Variants in ASTN1 observed in about 807,000 individuals in gnomAD.
ASTN1 encodes the protein astrotactin-1.
In ASTN1, 41 loss-of-function variants were observed where a neutral mutation model predicts 140.7. That is an observed-to-expected ratio of 0.29 (90% CI 0.23 to 0.38). ASTN1 has a LOEUF of 0.38. Ranked by LOEUF, ASTN1 falls within the 10% of genes least tolerant of loss-of-function variation. ASTN1 has a pLI of 1.00. For synonymous variants in ASTN1, 640 were observed against 652.2 expected, an observed-to-expected ratio of 0.98 and a Z score of 0.29; for missense variants, 1,479 against 1,678.8, an observed-to-expected ratio of 0.88 and a Z score of 2.08.
chr1:176,949,076 G>C (rs1226174315), intron 12 of ASTN1, 109 bp downstream of exon 12: 2 of 1,432,674 alleles, frequency 1.4e-6, no homozygotes, highest in Non-Finnish European at 1.9e-6. Context: ...CAGAGACTAA[G>C]GGATGGCCTA....
chr1:176,899,386 T>A lies in ASTN1; in HGVS notation c.2672-4556A>T, dbSNP rs530563972. 3.3e-5 allele frequency among the ~76,000 whole-genome samples: 5 copies of A among 152,300 alleles called. No individual in the cohort carries two copies. The East Asian group carries it at 7.7e-4, about 24-fold the overall frequency. ...CAGGGTCTGCTCTTCTGGTGGTAAC[T>A]GACAGGCCATGAGGTGAATTAGTTG... On this transcript the variant is annotated intron_variant, in intron 16 of 22. Coordinates refer to ENST00000361833, the MANE Select transcript of ASTN1 (RefSeq NM_004319.3).
chr1:176,951,148 A>G (rs1003358442), intron 11 of ASTN1, among the ~76,000 whole-genome samples: 1 of 152,218 alleles, frequency 6.6e-6, no homozygotes, highest in African/African-American at 2.4e-5. Context: ...GGAGTGCTGG[A>G]AGGTGACAGC....
intron 16 of ASTN1, among the ~76,000 whole-genome samples, chr1:176,919,533 T>A (rs1670641050): frequency 6.6e-6 from 1 of 152,198 alleles, no homozygotes; most frequent in Non-Finnish European, 1.5e-5. Context: ...ATTCTCCTCA[T>A]CCACCTTACC....
At chr1:177,106,615 T>C (rs1053605091) in intron 1 of ASTN1, among the ~76,000 whole-genome samples, 3 of 152,180 alleles carry the variant, frequency 2.0e-5, no homozygotes, top group South Asian at 4.1e-4. Flanking sequence ...GCCAAAGATA[T>C]GTTAACATAC....
intron 16 of ASTN1, among the ~76,000 whole-genome samples, chr1:176,898,280 A>G (rs1161642878): frequency 3.3e-5 from 5 of 152,166 alleles, no homozygotes; most frequent in Non-Finnish European, 7.3e-5. Flanking sequence ...CTTCAGGTCC[A>G]CATAAAAAGA....
intron 17 of ASTN1, among the ~76,000 whole-genome samples, chr1:176,889,420 A>G (rs1669173859): frequency 6.6e-6 from 1 of 152,248 alleles, no homozygotes; most frequent in Non-Finnish European, 1.5e-5. Flanking sequence ...TCAGTAAATT[A>G]GAAAAGTGAA....
chr1:176,879,214 A>G (rs1668688293), intron 20 of ASTN1, among the ~76,000 whole-genome samples: 1 of 152,152 alleles, frequency 6.6e-6, no homozygotes, highest in Non-Finnish European at 1.5e-5. Flanking sequence ...CCGTAAGTCT[A>G]GGCCCCTGTT....
At chr1:176,954,817 G>A (rs1672332642) in intron 11 of ASTN1, among the ~76,000 whole-genome samples, 1 of 152,172 alleles carries the variant, frequency 6.6e-6, no homozygotes, top group African/African-American at 2.4e-5. Context: ...GTGTGACTGT[G>A]GTTTGTACAG....
intron 2 of ASTN1, among the ~76,000 whole-genome samples, chr1:177,047,625 G>A (rs1023602005): frequency 2.0e-5 from 3 of 152,146 alleles, no homozygotes; most frequent in Non-Finnish European, 2.9e-5. Context: ...GGAAACCACC[G>A]TATCAGTCCA....
chr1:176,969,479 C>A (rs1673040728), intron 8 of ASTN1, among the ~76,000 whole-genome samples: 1 of 152,172 alleles, frequency 6.6e-6, no homozygotes, highest in African/African-American at 2.4e-5. Flanking sequence ...TCTAAAGAGA[C>A]AGCAACTCCT....
At chr1:176,898,299 G>A (rs1669614102) in intron 16 of ASTN1, among the ~76,000 whole-genome samples, 1 of 152,152 alleles carries the variant, frequency 6.6e-6, no homozygotes, top group Non-Finnish European at 1.5e-5. Context: ...GAGCCCCGCC[G>A]GAGGCCAAGA....
intron 1 of ASTN1, among the ~76,000 whole-genome samples, chr1:177,160,830 C>T (rs1647317616): frequency 6.6e-6 from 1 of 152,192 alleles, no homozygotes; most frequent in Non-Finnish European, 1.5e-5. Flanking sequence ...ACTTTTGAGG[C>T]TTTCACCACA....
At chr1:177,138,624 AATGTAC>A in intron 1 of ASTN1, among the ~76,000 whole-genome samples, 1 of 152,268 alleles carries the variant, frequency 6.6e-6, no homozygotes, top group Admixed American at 6.5e-5. Flanking sequence ...TTGCCATGTT[AATGTAC>A]CCGGACAGCT....
chr1:176,965,078 T>C, intron 9 of ASTN1, 85 bp downstream of exon 9: 1 of 1,321,486 alleles, frequency 7.6e-7, no homozygotes, highest in Non-Finnish European at 1.1e-6. Flanking sequence ...TATTTTATAC[T>C]TTACCAACTA....
In ASTN1 at chr1:176,926,727, AG is replaced by A. The variant is rs375995261; in HGVS notation, c.2671+7424del. Among the ~76,000 whole-genome samples, 548 of 152,370 alleles carry A rather than the reference AG, an allele frequency of 3.6e-3. 3 individuals carry two copies. Among genetic ancestry groups the A allele is most frequent in the African/African-American group, 0.013 (521 of 41,586 alleles). ...GCATATAGAAAGATCCTTTGGAGCT[AG>A]TTTGCAACCTTGGGGTTGTAAAACA... is the stretch of plus-strand genomic sequence containing the variant. On this transcript the variant is annotated intron_variant, in intron 16 of 22. Coordinates refer to ENST00000361833, the MANE Select transcript of ASTN1 (RefSeq NM_004319.3).
chr1:177,057,210 G>A, intron 2 of ASTN1, among the ~76,000 whole-genome samples: 1 of 149,740 alleles, frequency 6.7e-6, no homozygotes. Context: ...TGAAAAATAA[G>A]AAAAGCAAAA....
At chr1:177,136,287 T>C (rs1682192268) in intron 1 of ASTN1, among the ~76,000 whole-genome samples, 1 of 152,168 alleles carries the variant, frequency 6.6e-6, no homozygotes, top group Admixed American at 6.6e-5. Context: ...AATAGAATAG[T>C]CTCTACATGT....
chr1:177,052,937 T>C (rs995039360), intron 2 of ASTN1, among the ~76,000 whole-genome samples: 4 of 152,234 alleles, frequency 2.6e-5, no homozygotes, highest in African/African-American at 9.6e-5. Context: ...TTACAGCCTA[T>C]GTGACTTTGG....
At chr1:177,087,516 C>G (rs1262173857) in intron 1 of ASTN1, among the ~76,000 whole-genome samples, 1 of 152,150 alleles carries the variant, frequency 6.6e-6, no homozygotes, top group Non-Finnish European at 1.5e-5. Context: ...CAGAGGTGAC[C>G]ATGGCCTCCT....
Sources: allele counts gnomAD v4.1 joint callset (sites outside exome capture counted in the v4.1 genomes callset), GRCh38; gene constraint gnomAD v4.1.1; transcripts MANE v1.5; gene names NCBI Gene and HGNC (gene_info 2026-07-23, HGNC 2026-07-21).